Variants in ACYP2 observed in about 807,000 individuals in gnomAD.
The protein encoded by ACYP2 is acylphosphatase 2.
In ACYP2, 12 loss-of-function variants were observed where a neutral mutation model predicts 11.2. The ratio of observed to expected loss-of-function variants is 1.08; its 90% CI spans 0.69 to 1.74. The LOEUF (loss-of-function observed/expected upper bound fraction) is 1.74. ACYP2 is among the 40% of genes most tolerant of loss of function. ACYP2 has a pLI of 0.00. For synonymous variants in ACYP2, 43 were observed against 32.2 expected (o/e 1.33, Z -1.13); for missense variants, 134 against 101.9 (o/e 1.31, Z -1.35).
chr2:54,269,998 G>T lies in ACYP2; in HGVS notation c.405-34690G>T, dbSNP rs552398108. Among the ~76,000 whole-genome samples, 6 of 152,116 alleles carry T rather than the reference G, an allele frequency of 3.9e-5. 1 individual carries two copies. Among genetic ancestry groups the T allele is most frequent in the African/African-American group, 1.4e-4 (6 of 41,490 alleles). On this transcript the variant is annotated intron_variant, in intron 6 of 6. Coordinates refer to ENST00000607452, the MANE Select transcript of ACYP2 (RefSeq NM_001320586.2). Reference sequence around the variant, plus strand: ...TTTGCTATTATAAATATCCTTCCAAGAATTTATTTAGGCATCTAATTTACT... The same window carrying T: ...TTTGCTATTATAAATATCCTTCCAATAATTTATTTAGGCATCTAATTTACT...
At chr2:54,140,036 A>G (rs1191385469) in intron 6 of ACYP2, among the ~76,000 whole-genome samples, 2 of 152,190 alleles carry the variant, frequency 1.3e-5, no homozygotes, top group African/African-American at 4.8e-5. Context: ...TTACGTGCAT[A>G]CTTGTGTTTG....
intron 6 of ACYP2, among the ~76,000 whole-genome samples, chr2:54,149,049 G>A (rs958799965): frequency 2.0e-5 from 3 of 152,098 alleles, no homozygotes; most frequent in Admixed American, 1.3e-4. Flanking sequence ...TCAAGAATTC[G>A]TGACCAGCCT....
chr2:54,254,895 C>A, intron 6 of ACYP2: 1 of 1,594,594 alleles, frequency 6.3e-7, no homozygotes, highest in South Asian at 1.1e-5. Flanking sequence ...CAACCTTCTG[C>A]AGGAGTAATT....
At chr2:54,150,362 A>G (rs574526611) in intron 6 of ACYP2, among the ~76,000 whole-genome samples, 1 of 152,328 alleles carries the variant, frequency 6.6e-6, no homozygotes, top group South Asian at 2.1e-4. Context: ...ATCAAATGGT[A>G]TGTTAGACTA....
chr2:53,997,078 C>T (rs559021200), intron 2 of ACYP2, among the ~76,000 whole-genome samples: 3 of 152,252 alleles, frequency 2.0e-5, no homozygotes, highest in South Asian at 2.1e-4. Flanking sequence ...CCCCAATATT[C>T]GTTTGTATTT....
chr2:54,277,999 T>G (rs1158821383), intron 6 of ACYP2, among the ~76,000 whole-genome samples: 1 of 152,152 alleles, frequency 6.6e-6, no homozygotes, highest in Non-Finnish European at 1.5e-5. Flanking sequence ...TATTTATTTA[T>G]GACGGAGTCT....
At chr2:54,260,552 C>T (rs774595761) in intron 6 of ACYP2, among the ~76,000 whole-genome samples, 15 of 151,942 alleles carry the variant, frequency 9.9e-5, no homozygotes, top group Non-Finnish European at 1.9e-4. Flanking sequence ...AGCTGGAGGA[C>T]GGAAGACATA....
intron 6 of ACYP2, among the ~76,000 whole-genome samples, chr2:54,165,529 TC>T: frequency 7.0e-6 from 1 of 143,088 alleles, no homozygotes; most frequent in East Asian, 2.0e-4. Flanking sequence ...TCTCTCTCTC[TC>T]TCTCTCACAC....
chr2:54,218,194 TG>T (rs1452292017), intron 6 of ACYP2, among the ~76,000 whole-genome samples: 1 of 152,234 alleles, frequency 6.6e-6, no homozygotes, highest in Non-Finnish European at 1.5e-5. Flanking sequence ...AATTAATTTG[TG>T]TCTTTTTTAT....
chr2:54,127,701 T>G (rs772914647), intron 4 of ACYP2, among the ~76,000 whole-genome samples: 7 of 132,516 alleles, frequency 5.3e-5, no homozygotes, highest in Non-Finnish European at 1.1e-4. Context: ...TGAGCCGAGA[T>G]CACACCATGC....
intron 2 of ACYP2, among the ~76,000 whole-genome samples, chr2:53,994,106 G>T (rs1211255929): frequency 6.6e-6 from 1 of 152,022 alleles, no homozygotes; most frequent in Non-Finnish European, 1.5e-5. Context: ...CAAGGCGGGC[G>T]GATCCCGAGG....
chr2:54,026,530 C>T (rs1674296530), intron 2 of ACYP2, among the ~76,000 whole-genome samples: 1 of 151,386 alleles, frequency 6.6e-6, no homozygotes, highest in African/African-American at 2.4e-5. Context: ...ATTAGATCTA[C>T]CATTTGATCC....
At chr2:54,032,321 T>C (rs902418097) in intron 2 of ACYP2, among the ~76,000 whole-genome samples, 4 of 152,204 alleles carry the variant, frequency 2.6e-5, no homozygotes, top group Admixed American at 2.0e-4. Context: ...AAGGAAGGGA[T>C]CCAGTTTCAG....
intron 6 of ACYP2, among the ~76,000 whole-genome samples, chr2:54,188,454 G>A (rs1350839640): frequency 2.6e-5 from 4 of 152,068 alleles, no homozygotes; most frequent in African/African-American, 9.7e-5. Context: ...ATTGTTAAAA[G>A]AGCAAGCAGT....
intron 6 of ACYP2, among the ~76,000 whole-genome samples, chr2:54,201,636 C>CTTTCTTTGTTTGTTTCTTTTTCTTTCTT (rs59874821): frequency 2.1e-5 from 2 of 93,698 alleles, no homozygotes; most frequent in African/African-American, 8.5e-5. Context: ...TTCTTTCTTT[C>CTTTCTTTGTTTGTTTCTTTTTCTTTCTT]TCTTTCTTTC....
intron 6 of ACYP2, among the ~76,000 whole-genome samples, chr2:54,229,579 A>C (rs1558628753): frequency 6.6e-6 from 1 of 152,304 alleles, no homozygotes; most frequent in Non-Finnish European, 1.5e-5. Context: ...TAGTTTGAAT[A>C]GTTTTCATTT....
At chr2:54,197,061 C>A (rs1377559835) in intron 6 of ACYP2, among the ~76,000 whole-genome samples, 2 of 152,044 alleles carry the variant, frequency 1.3e-5, no homozygotes, top group African/African-American at 2.4e-5. Flanking sequence ...TTATAACCCC[C>A]CTTTACAGAG....
intron 4 of ACYP2, among the ~76,000 whole-genome samples, chr2:54,095,271 C>T (rs533975906): frequency 6.6e-6 from 1 of 152,360 alleles, no homozygotes; most frequent in African/African-American, 2.4e-5. Flanking sequence ...AACGAAGTCT[C>T]CCATGTCTAC....
chr2:54,290,716 G>A (rs843730), intron 6 of ACYP2, among the ~76,000 whole-genome samples: 59,690 of 151,842 alleles, frequency 0.39, 12,023 homozygotes, highest in Admixed American at 0.49. Flanking sequence ...AGCATTTTTG[G>A]TGGGAGATGG....
Sources: allele counts gnomAD v4.1 joint callset (sites outside exome capture counted in the v4.1 genomes callset), GRCh38; gene constraint gnomAD v4.1.1; transcripts MANE v1.5; gene names NCBI Gene and HGNC (gene_info 2026-07-23, HGNC 2026-07-21).